PDE4B: variants seen among roughly 807,000 people sequenced by gnomAD.
PDE4B encodes 3',5'-cyclic-AMP phosphodiesterase 4B.
Under a neutral mutation model 82.2 loss-of-function variants are expected in PDE4B, and 20 were observed. The observed-to-expected ratio is 0.24, with a 90% confidence interval of 0.17 to 0.35. PDE4B has a LOEUF of 0.35. Among genes scored for constraint, PDE4B ranks in the 10% least tolerant of loss-of-function variants. The probability of loss-of-function intolerance (pLI) is 1.00; values close to 1 mark genes in which losing one functional copy is unlikely to be tolerated. For missense variants in PDE4B, 655 were observed against 907.2 expected (o/e 0.72, Z 3.57); for synonymous variants, 320 against 318.9 (o/e 1.00, Z -0.04).
At chr1:66,269,339 A>G (rs1655291719) in intron 7 of PDE4B, among the ~76,000 whole-genome samples, 1 of 152,242 alleles carries the variant, frequency 6.6e-6, no homozygotes, top group African/African-American at 2.4e-5. Flanking sequence ...AAGAACAACG[A>G]GGAAGCCATA....
At chr1:66,355,024 A>G in intron 8 of PDE4B, 1 of 728,080 alleles carries the variant, frequency 1.4e-6, no homozygotes, top group South Asian at 1.8e-5. Flanking sequence ...GGGACCTCTT[A>G]TTTTGAAATA....
chr1:65,893,568 C>T (rs1440727222), intron 1 of PDE4B, among the ~76,000 whole-genome samples: 1 of 152,034 alleles, frequency 6.6e-6, no homozygotes, highest in Non-Finnish European at 1.5e-5. Flanking sequence ...AGTGCAACCA[C>T]CATGGAAGAC....
chr1:66,068,797 C>T (rs569252124), intron 3 of PDE4B, among the ~76,000 whole-genome samples: 3 of 151,912 alleles, frequency 2.0e-5, no homozygotes, highest in South Asian at 4.1e-4. Context: ...CAAATGAGAT[C>T]ATTTTTCATT....
intron 1 of PDE4B, among the ~76,000 whole-genome samples, chr1:65,835,219 T>A (rs1055355846): frequency 2.6e-5 from 4 of 152,196 alleles, no homozygotes; most frequent in African/African-American, 9.7e-5. Context: ...CTGCTTTGGC[T>A]GTTTCATAGG....
intron 7 of PDE4B, 54 bp downstream of exon 7, chr1:66,266,141 G>A (rs759913200): frequency 6.2e-5 from 81 of 1,302,426 alleles, no homozygotes; most frequent in Non-Finnish European, 8.6e-5. Flanking sequence ...TAATAAACAT[G>A]CCTCTTATTC....
chr1:66,180,096 A>T (rs1418257143), intron 3 of PDE4B, among the ~76,000 whole-genome samples: 1 of 152,240 alleles, frequency 6.6e-6, no homozygotes, highest in African/African-American at 2.4e-5. Flanking sequence ...AACAGAAATG[A>T]GTAACATGTT....
intron 3 of PDE4B, among the ~76,000 whole-genome samples, chr1:65,999,330 G>A (rs1331005694): frequency 1.3e-5 from 2 of 152,096 alleles, no homozygotes; most frequent in East Asian, 1.9e-4. Context: ...AATCTCAAAC[G>A]CTTACCATGG....
At chr1:66,171,419 TAAG>T (rs1390852865) in intron 3 of PDE4B, among the ~76,000 whole-genome samples, 2 of 152,206 alleles carry the variant, frequency 1.3e-5, no homozygotes, top group Admixed American at 1.3e-4. Context: ...GTTAGACAGT[TAAG>T]AAGGTTCTTG....
At chr1:66,296,306 C>A (rs979135984) in intron 7 of PDE4B, among the ~76,000 whole-genome samples, 1 of 152,100 alleles carries the variant, frequency 6.6e-6, no homozygotes. Context: ...CTGGTAGGCA[C>A]GTGATAGGGA....
chr1:65,982,327 A>T (rs565470603), intron 3 of PDE4B, among the ~76,000 whole-genome samples: 1 of 152,334 alleles, frequency 6.6e-6, no homozygotes, highest in African/African-American at 2.4e-5. Flanking sequence ...GGTCGCAAAC[A>T]CATCCTGGTT....
chr1:66,229,250 C>T (rs951987903), intron 3 of PDE4B, among the ~76,000 whole-genome samples: 1 of 151,816 alleles, frequency 6.6e-6, no homozygotes, highest in Non-Finnish European at 1.5e-5. Context: ...ACCTCGTGAT[C>T]CGCCCGCCTC....
intron 3 of PDE4B, among the ~76,000 whole-genome samples, chr1:66,201,796 G>A (rs1215139136): frequency 6.6e-6 from 1 of 151,870 alleles, no homozygotes; most frequent in Non-Finnish European, 1.5e-5. Context: ...CAAAAAACCA[G>A]CTCCTGGATT....
At chr1:66,151,817 T>G (rs998961082) in intron 3 of PDE4B, among the ~76,000 whole-genome samples, 2 of 152,206 alleles carry the variant, frequency 1.3e-5, no homozygotes, top group South Asian at 4.1e-4. Flanking sequence ...TAGTAGACAC[T>G]CAATAAATAA....
chr1:66,299,187 T>C (rs1120163), intron 7 of PDE4B, among the ~76,000 whole-genome samples: 2,429 of 152,274 alleles, frequency 0.016, 34 homozygotes, highest in African/African-American at 0.042. Context: ...CCTATCTAGC[T>C]CTAATTTTGT....
intron 1 of PDE4B, among the ~76,000 whole-genome samples, chr1:65,899,127 C>CA (rs1012093958): frequency 2.6e-5 from 4 of 151,304 alleles, no homozygotes; most frequent in Non-Finnish European, 5.9e-5. Flanking sequence ...AAGAAAAAAA[C>CA]AAAAAAATCC....
intron 1 of PDE4B, among the ~76,000 whole-genome samples, chr1:65,887,748 T>C (rs547286177): frequency 6.6e-6 from 1 of 152,104 alleles, no homozygotes; most frequent in East Asian, 1.9e-4. Flanking sequence ...CTATTTGCCA[T>C]TTGTCTGTCT....
At chr1:65,880,104 AG>A (rs1383990599) in intron 1 of PDE4B, among the ~76,000 whole-genome samples, 1 of 152,104 alleles carries the variant, frequency 6.6e-6, no homozygotes, top group African/African-American at 2.4e-5. Flanking sequence ...TTCATTTGCT[AG>A]ATTTGAAGTC....
At chr1:66,008,436 T>C (rs1406613875) in intron 3 of PDE4B, among the ~76,000 whole-genome samples, 1 of 152,172 alleles carries the variant, frequency 6.6e-6, no homozygotes, top group East Asian at 1.9e-4. Flanking sequence ...CCCCTTACTG[T>C]GCACTGCATT....
At chr1:66,266,015 C>G (rs969052764) in intron 6 of PDE4B, 23 bp from the exon 7 acceptor site, 1 of 1,602,402 alleles carries the variant, frequency 6.2e-7, no homozygotes, top group Non-Finnish European at 8.6e-7. Flanking sequence ...CAGACTCAGT[C>G]CTTCTTTTCT....
Sources: gnomAD v4.1 joint callset for allele counts (sites outside exome capture counted in the v4.1 genomes callset) on GRCh38, gnomAD v4.1.1 for gene constraint, MANE v1.5 for transcripts, NCBI Gene and HGNC (gene_info 2026-07-23, HGNC 2026-07-21) for gene names.